The following PALM2AKAP2 variants were observed in gnomAD, a reference collection of about 807,000 sequenced individuals.
The protein encoded by PALM2AKAP2 is PALM2 and AKAP2 fusion.
Under a neutral mutation model 71.5 loss-of-function variants are expected in PALM2AKAP2, and 37 were observed. The observed-to-expected ratio is 0.52, with a 90% CI of 0.40 to 0.68. The LOEUF (loss-of-function observed/expected upper bound fraction) is 0.68, where lower values mean the gene tolerates loss of function less well. Ranked by LOEUF, PALM2AKAP2 falls within the 30% of genes least tolerant of loss-of-function variation. The pLI is 0.00. For synonymous variants in PALM2AKAP2, 468 were observed against 478.8 expected (o/e 0.98, Z 0.29); for missense variants, 1,224 against 1,191.8 (o/e 1.03, Z -0.40).
chr9:110,042,812 G>A (rs926914646), intron 7 of PALM2AKAP2, among the ~76,000 whole-genome samples: 1 of 151,790 alleles, frequency 6.6e-6, no homozygotes, highest in African/African-American at 2.4e-5. Flanking sequence ...ATTTTTGTGG[G>A]TACATAGTAG....
chr9:110,111,086 CTTTTT>C (rs34958946), intron 1 of PALM2AKAP2, among the ~76,000 whole-genome samples: 1 of 84,188 alleles, frequency 1.2e-5, no homozygotes, highest in Non-Finnish European at 2.1e-5. Context: ...TTTCTTTCTT[CTTTTT>C]TTTTTTTTTT....
chr9:109,686,101 C>A (rs10739282), intron 1 of PALM2AKAP2, among the ~76,000 whole-genome samples: 56,054 of 151,918 alleles, frequency 0.37, 10,646 homozygotes, highest in Middle Eastern at 0.52. Context: ...GACTTCACTT[C>A]TAATTTGAGT....
chr9:109,793,208 C>T (rs74884249), intron 1 of PALM2AKAP2, among the ~76,000 whole-genome samples: 5 of 152,276 alleles, frequency 3.3e-5, no homozygotes, highest in African/African-American at 4.8e-5. Flanking sequence ...TTCCAGAGAA[C>T]AAGAAATGAT....
intron 2 of PALM2AKAP2, among the ~76,000 whole-genome samples, chr9:110,139,087 C>G (rs1835967103): frequency 1.3e-5 from 2 of 152,168 alleles, no homozygotes; most frequent in African/African-American, 4.8e-5. Context: ...GGTTTTTCTT[C>G]TTAAGTCACC....
intron 1 of PALM2AKAP2, among the ~76,000 whole-genome samples, chr9:109,705,417 T>G (rs1210053524): frequency 6.6e-6 from 1 of 152,168 alleles, no homozygotes; most frequent in East Asian, 1.9e-4. Context: ...AATTCTGTCT[T>G]CTCTTGGATG....
chr9:110,156,616 T>A, intron 3 of PALM2AKAP2, 119 bp downstream of exon 9: 1 of 1,318,478 alleles, frequency 7.6e-7, no homozygotes, highest in Non-Finnish European at 9.8e-7. Context: ...AGGGTTCCAG[T>A]ATCAGTTTTC....
At chr9:109,691,625 T>C (rs1827884976) in intron 1 of PALM2AKAP2, among the ~76,000 whole-genome samples, 1 of 151,370 alleles carries the variant, frequency 6.6e-6, no homozygotes, top group Admixed American at 6.6e-5. Context: ...ATTCAGTCTT[T>C]TGGAAGTTAG....
At chr9:109,677,779 A>C (rs114338450) in intron 1 of PALM2AKAP2, among the ~76,000 whole-genome samples, 1 of 152,176 alleles carries the variant, frequency 6.6e-6, no homozygotes, top group Admixed American at 6.5e-5. Flanking sequence ...GCCTGAAATC[A>C]TCAACATCCA....
intron 1 of PALM2AKAP2, among the ~76,000 whole-genome samples, chr9:109,852,065 G>A (rs1244814885): frequency 6.6e-6 from 1 of 151,908 alleles, no homozygotes; most frequent in South Asian, 2.1e-4. Flanking sequence ...GAAGCCAGAT[G>A]ATCAGCTTTT....
chr9:110,135,448 G>A (rs2119094909), intron 1 of PALM2AKAP2, among the ~76,000 whole-genome samples: 1 of 149,094 alleles, frequency 6.7e-6, no homozygotes, highest in South Asian at 2.1e-4. Flanking sequence ...CACATATAAA[G>A]CAGTTAAAAA....
intron 1 of PALM2AKAP2, among the ~76,000 whole-genome samples, chr9:110,054,894 G>T (rs1833800067): frequency 6.6e-6 from 1 of 152,178 alleles, no homozygotes; most frequent in Admixed American, 6.5e-5. Context: ...CCATGTGCTG[G>T]CCTAAAGTTA....
chr9:109,712,414 C>T (rs1236322579), intron 1 of PALM2AKAP2, among the ~76,000 whole-genome samples: 1 of 152,166 alleles, frequency 6.6e-6, no homozygotes, highest in African/African-American at 2.4e-5. Context: ...CAAGGTGATA[C>T]TAATAGACTT....
intron 1 of PALM2AKAP2, among the ~76,000 whole-genome samples, chr9:109,745,111 G>T (rs1317019114): frequency 6.6e-6 from 1 of 152,114 alleles, no homozygotes; most frequent in African/African-American, 2.4e-5. Flanking sequence ...AGAGCCCAGC[G>T]ATTTCATAGA....
At chr9:110,007,194 T>C (rs1832800748) in intron 6 of PALM2AKAP2, among the ~76,000 whole-genome samples, 1 of 152,004 alleles carries the variant, frequency 6.6e-6, no homozygotes, top group African/African-American at 2.4e-5. Context: ...TGCAGAGAGG[T>C]CAAACTGAGG....
intron 1 of PALM2AKAP2, among the ~76,000 whole-genome samples, chr9:109,822,351 C>T (rs1452440040): frequency 6.6e-6 from 1 of 152,092 alleles, no homozygotes; most frequent in African/African-American, 2.4e-5. Flanking sequence ...CAGCTCCTGC[C>T]TCTGTATTTC....
intron 1 of PALM2AKAP2, among the ~76,000 whole-genome samples, chr9:110,060,039 A>G (rs566002170): frequency 6.6e-6 from 1 of 152,332 alleles, no homozygotes; most frequent in South Asian, 2.1e-4. Flanking sequence ...AAGATGGTCT[A>G]CTAGGCTTTT....
chr9:109,872,199 GA>G (rs1220897716), intron 2 of PALM2AKAP2, among the ~76,000 whole-genome samples: 1 of 151,918 alleles, frequency 6.6e-6, no homozygotes, highest in Non-Finnish European at 1.5e-5. Context: ...TTATTCTTTT[GA>G]AAAATTGTCT....
chr9:110,088,189 T>TG (rs201018849), intron 1 of PALM2AKAP2, among the ~76,000 whole-genome samples: 3,058 of 152,202 alleles, frequency 0.02, 114 homozygotes, highest in African/African-American at 0.07. Context: ...CAGAATTGTC[T>TG]GGGGTTTAAA....
intron 3 of PALM2AKAP2, among the ~76,000 whole-genome samples, chr9:109,918,099 G>A (rs1830737559): frequency 6.6e-6 from 1 of 152,166 alleles, no homozygotes; most frequent in Admixed American, 6.5e-5. Flanking sequence ...TGTAATTTAT[G>A]TGTTCACATG....
Sources: gnomAD v4.1 joint callset for allele counts (sites outside exome capture counted in the v4.1 genomes callset) on GRCh38, gnomAD v4.1.1 for gene constraint, MANE v1.5 for transcripts, NCBI Gene and HGNC (gene_info 2026-07-23, HGNC 2026-07-21) for gene names.